QTMAN: variants seen among roughly 807,000 people sequenced by gnomAD.
QTMAN encodes the protein queuosine-tRNA mannosyltransferase.
At chr2:144,101,569 C>T in the QTMAN span, among the ~76,000 whole-genome samples, 2 of 152,154 alleles carry the variant, frequency 1.3e-5, no homozygotes, top group African/African-American at 4.8e-5. Flanking sequence ...ATCTTTCAAA[C>T]TCCAAGGTTC....
At chr2:144,007,222 T>A in the QTMAN span, 1 of 1,609,376 alleles carries the variant, frequency 6.2e-7, no homozygotes, top group Non-Finnish European at 8.5e-7. Context: ...CTTTGCTGAT[T>A]ATCAACTCCA....
the QTMAN span, among the ~76,000 whole-genome samples, chr2:144,151,518 C>T: frequency 6.6e-6 from 1 of 152,064 alleles, no homozygotes; most frequent in Non-Finnish European, 1.5e-5. Context: ...CTGTCTTGGG[C>T]TAAGATGCTA....
the QTMAN span, among the ~76,000 whole-genome samples, chr2:144,001,551 G>A: frequency 6.6e-6 from 1 of 151,894 alleles, no homozygotes; most frequent in African/African-American, 2.4e-5. Flanking sequence ...CCCAAATGAT[G>A]AGGTCATGGT....
chr2:144,107,163 T>C, the QTMAN span, among the ~76,000 whole-genome samples: 2 of 152,160 alleles, frequency 1.3e-5, no homozygotes, highest in Admixed American at 1.3e-4. Context: ...AGGAAAGATC[T>C]AAAATTGACA....
the QTMAN span, among the ~76,000 whole-genome samples, chr2:144,155,206 A>G: frequency 3.2e-4 from 49 of 152,258 alleles, no homozygotes; most frequent in South Asian, 9.5e-3. Flanking sequence ...CACCATCGTA[A>G]AGTATTCAAG....
the QTMAN span, chr2:144,230,414 A>C: frequency 2.0e-5 from 3 of 152,186 alleles, no homozygotes; most frequent in African/African-American, 7.2e-5. Flanking sequence ...TTTACTGATA[A>C]ACTTAATAAA....
the QTMAN span, among the ~76,000 whole-genome samples, chr2:144,318,733 G>A: frequency 6.6e-6 from 1 of 152,178 alleles, no homozygotes; most frequent in African/African-American, 2.4e-5. Flanking sequence ...AGTCATGAAG[G>A]AAACTTTACT....
the QTMAN span, among the ~76,000 whole-genome samples, chr2:144,229,684 C>G: frequency 6.6e-6 from 1 of 152,110 alleles, no homozygotes; most frequent in South Asian, 2.1e-4. Context: ...TTAAGTTAGG[C>G]GTGGGGGGAA....
chr2:144,328,923 C>T, the QTMAN span, among the ~76,000 whole-genome samples: 1 of 152,064 alleles, frequency 6.6e-6, no homozygotes, highest in Non-Finnish European at 1.5e-5. Flanking sequence ...TTGGTTTGTA[C>T]TTCCAAGAGA....
At chr2:144,108,692 C>T in the QTMAN span, among the ~76,000 whole-genome samples, 1 of 151,530 alleles carries the variant, frequency 6.6e-6, no homozygotes, top group South Asian at 2.1e-4. Flanking sequence ...TCTCCTTAAG[C>T]TGATAAGCAA....
At chr2:144,082,301 A>C in the QTMAN span, among the ~76,000 whole-genome samples, 1 of 152,250 alleles carries the variant, frequency 6.6e-6, no homozygotes, top group Non-Finnish European at 1.5e-5. Flanking sequence ...AAGGGAGCTC[A>C]GTGCTCGTGT....
chr2:144,146,845 T>C, the QTMAN span, among the ~76,000 whole-genome samples: 1 of 151,810 alleles, frequency 6.6e-6, no homozygotes, highest in Admixed American at 6.6e-5. Flanking sequence ...TTCAAGAAGG[T>C]TAAGAGTTTT....
chr2:144,158,206 G>A, the QTMAN span, among the ~76,000 whole-genome samples: 1 of 151,968 alleles, frequency 6.6e-6, no homozygotes, highest in African/African-American at 2.4e-5. Context: ...ATAGGAATCA[G>A]TAACAAGGCG....
the QTMAN span, among the ~76,000 whole-genome samples, chr2:144,012,217 A>G: frequency 6.6e-6 from 1 of 152,076 alleles, no homozygotes. Flanking sequence ...AAACCCCAGT[A>G]CTATGTTGGG....
At chr2:144,242,804 A>G in the QTMAN span, among the ~76,000 whole-genome samples, 1 of 151,948 alleles carries the variant, frequency 6.6e-6, no homozygotes, top group Non-Finnish European at 1.5e-5. Flanking sequence ...TCTATTAAAA[A>G]TATAAAAATT....
chr2:144,140,033 A>G, the QTMAN span, among the ~76,000 whole-genome samples: 2 of 152,102 alleles, frequency 1.3e-5, no homozygotes, highest in Non-Finnish European at 2.9e-5. Flanking sequence ...AAAATAATAC[A>G]GTTTTGAAAC....
chr2:144,173,696 T>C, the QTMAN span, among the ~76,000 whole-genome samples: 30 of 152,328 alleles, frequency 2.0e-4, no homozygotes, highest in African/African-American at 4.6e-4. Context: ...AATTTGGATA[T>C]GGTTTATTTG....
At chr2:144,186,164 A>G in the QTMAN span, among the ~76,000 whole-genome samples, 1 of 152,200 alleles carries the variant, frequency 6.6e-6, no homozygotes, top group Admixed American at 6.5e-5. Flanking sequence ...TTCTGCCTTC[A>G]TCTCTTGAAA....
chr2:144,261,334 GA>G, the QTMAN span, among the ~76,000 whole-genome samples: 1 of 152,090 alleles, frequency 6.6e-6, no homozygotes, highest in Non-Finnish European at 1.5e-5. Flanking sequence ...AAATTTCGGG[GA>G]GGGGGGGATG....
Sources: gnomAD v4.1 joint callset for allele counts (sites outside exome capture counted in the v4.1 genomes callset) on GRCh38, gnomAD v4.1.1 for gene constraint, MANE v1.5 for transcripts, NCBI Gene and HGNC (gene_info 2026-07-23, HGNC 2026-07-21) for gene names.